ZFHX3: variants seen among roughly 807,000 people sequenced by gnomAD.
ZFHX3 encodes the protein zinc finger homeobox protein 3.
A neutral mutation model predicts 279.1 loss-of-function variants in ZFHX3; 42 were observed. The observed-to-expected ratio is 0.15, with a 90% CI of 0.12 to 0.19. ZFHX3 has a LOEUF of 0.19. Among genes scored for constraint, ZFHX3 ranks in the 10% least tolerant of loss-of-function variants. ZFHX3 has a pLI of 1.00. For missense variants in ZFHX3, 4,981 were observed against 4,754.0 expected (o/e 1.05, Z -1.40); for synonymous variants, 2,293 against 1,957.8 (o/e 1.17, Z -4.52).
intron 2 of ZFHX3, among the ~76,000 whole-genome samples, chr16:73,461,245 T>C (rs1368869863): frequency 2.6e-5 from 4 of 152,216 alleles, no homozygotes. Context: ...ATTTTCTAAT[T>C]GGATTGTTTA....
At chr16:73,027,001 T>A (rs1398177064) in intron 1 of ZFHX3, among the ~76,000 whole-genome samples, 1 of 152,214 alleles carries the variant, frequency 6.6e-6, no homozygotes, top group Non-Finnish European at 1.5e-5. Flanking sequence ...CTGCAACTAC[T>A]CACCTACACC....
rs1226055133 is a variant in ZFHX3, at chr16:72,787,727, C to CACT, written c.10548_10549insAGT (p.Gly3516_Gly3517insSer). On this transcript the variant is annotated inframe_insertion, in exon 10 of 10. Transcript: ENST00000268489. ...CCGCCGCCGCCGCCGCCACCGCCGC[C>CACT]GCCGCCGCCACTGCCACCGCCGCCG... is the stretch of plus-strand genomic sequence containing the variant. The CACT allele has an allele frequency of 1.1e-5, 15 of 1,398,702 alleles. No individual in the cohort carries two copies. The highest frequency in any genetic ancestry group is 6.0e-5 in the African/African-American group (4 of 67,028). The allele number at this position is 1,398,702 out of a possible 1,614,324, so 86.6% of individuals were successfully genotyped here.
At chr16:73,251,328 A>G (rs1318952720) in intron 5 of ZFHX3, among the ~76,000 whole-genome samples, 1 of 152,198 alleles carries the variant, frequency 6.6e-6, no homozygotes, top group East Asian at 1.9e-4. Flanking sequence ...ATGTTACACC[A>G]CAAGTGTGAT....
chr16:73,120,322 G>A (rs979671556), intron 7 of ZFHX3, among the ~76,000 whole-genome samples: 1 of 150,738 alleles, frequency 6.6e-6, no homozygotes, highest in Non-Finnish European at 1.5e-5. Context: ...GTGCACATAA[G>A]TGGTGCAATC....
intron 3 of ZFHX3, among the ~76,000 whole-genome samples, chr16:73,434,605 A>G (rs935721950): frequency 2.7e-3 from 79 of 28,752 alleles, no homozygotes; most frequent in Non-Finnish European, 5.3e-3. Flanking sequence ...TCATCTATGG[A>G]TGGTGTTTTT....
At chr16:73,198,163 T>G (rs1485756075) in intron 5 of ZFHX3, among the ~76,000 whole-genome samples, 4 of 151,980 alleles carry the variant, frequency 2.6e-5, no homozygotes, top group Admixed American at 2.0e-4. Context: ...GGTCTCCATC[T>G]TCTGACCTAG....
intron 1 of ZFHX3, among the ~76,000 whole-genome samples, chr16:73,034,476 G>T (rs1283291396): frequency 6.6e-6 from 1 of 152,168 alleles, no homozygotes; most frequent in Non-Finnish European, 1.5e-5. Context: ...GCCTGTGTGT[G>T]TGGTGCTAGA....
At chr16:73,298,772 T>G (rs1472698375) in intron 4 of ZFHX3, among the ~76,000 whole-genome samples, 2 of 152,142 alleles carry the variant, frequency 1.3e-5, no homozygotes, top group Non-Finnish European at 2.9e-5. Flanking sequence ...AAAGAGAAAC[T>G]AACATTCCAG....
At chr16:73,242,531 C>T (rs943605118) in intron 5 of ZFHX3, among the ~76,000 whole-genome samples, 4 of 152,182 alleles carry the variant, frequency 2.6e-5, no homozygotes, top group Non-Finnish European at 5.9e-5. Flanking sequence ...ATAATACTCA[C>T]AGCATATTAA....
At chr16:73,290,646 T>C (rs2014746157) in intron 4 of ZFHX3, among the ~76,000 whole-genome samples, 1 of 152,226 alleles carries the variant, frequency 6.6e-6, no homozygotes, top group Non-Finnish European at 1.5e-5. Context: ...ATGGGTTTCT[T>C]CTACTATGCT....
At chr16:73,528,457 G>A (rs2019733362) in intron 2 of ZFHX3, among the ~76,000 whole-genome samples, 1 of 152,298 alleles carries the variant, frequency 6.6e-6, no homozygotes, top group African/African-American at 2.4e-5. Flanking sequence ...ACCGTAAGAG[G>A]TAGAAAAATG....
chr16:72,799,870 G>A (rs1330113868), intron 8 of ZFHX3, among the ~76,000 whole-genome samples, 157 bp downstream of exon 8: 1 of 152,174 alleles, frequency 6.6e-6, no homozygotes, highest in African/African-American at 2.4e-5. Context: ...ATGCCAAGAA[G>A]CAGAGTATAA....
chr16:73,446,670 G>C (rs1390944772), intron 3 of ZFHX3, among the ~76,000 whole-genome samples: 1 of 152,100 alleles, frequency 6.6e-6, no homozygotes, highest in African/African-American at 2.4e-5. Context: ...ACTTATAAGT[G>C]GGAGCTAAAT....
At chr16:73,511,832 A>C (rs1196739634) in intron 2 of ZFHX3, among the ~76,000 whole-genome samples, 1 of 152,166 alleles carries the variant, frequency 6.6e-6, no homozygotes, top group Non-Finnish European at 1.5e-5. Context: ...CCTGAAATTC[A>C]ATAATTTGGG....
chr16:73,128,809 A>G (rs774492928), intron 7 of ZFHX3, among the ~76,000 whole-genome samples: 5 of 152,190 alleles, frequency 3.3e-5, no homozygotes, highest in Non-Finnish European at 7.3e-5. Context: ...CATTTGTGAT[A>G]CAAACAAGGG....
intron 4 of ZFHX3, among the ~76,000 whole-genome samples, chr16:73,272,057 C>A (rs183794430): frequency 2.9e-3 from 440 of 152,332 alleles, no homozygotes; most frequent in South Asian, 0.012. Context: ...TAAGTTCACA[C>A]AGCCTATGGG....
intron 1 of ZFHX3, among the ~76,000 whole-genome samples, chr16:73,001,582 G>A (rs1963499583): frequency 6.6e-6 from 1 of 152,134 alleles, no homozygotes; most frequent in Admixed American, 6.5e-5. Flanking sequence ...GGAGGCTGAA[G>A]TGAGAGGATC....
rs2036046910 is a variant in ZFHX3 at position 72,800,015 on chromosome 16, A to G, written c.3967+12T>C. On this transcript the variant is annotated intron_variant, in intron 8 of 9. Transcript: ENST00000268489. ...GTTTCAATTTCTTGGGGTCAAGAAT[A>G]ATGATACTGACCAGGCTGCTTTCCT... 6.2e-7 allele frequency: 1 copy of G among 1,612,746 alleles called. No homozygotes were observed. The highest frequency in any genetic ancestry group is 1.7e-5 in the Admixed American group (1 of 60,008).
At position 72,798,451 on chromosome 16, in the gene ZFHX3, T is replaced by C. The variant is rs2035989374; in HGVS notation, c.4231A>G (p.Lys1411Glu). 6.2e-7 allele frequency: 1 copy of C among 1,614,114 alleles called. No homozygotes were observed. Among genetic ancestry groups the C allele is most frequent in the African/African-American group, 1.3e-5 (1 of 74,946 alleles). Reference sequence around the variant, plus strand: ...TGGAGCTGCAACTTTTCAATGGTCTTGAAGGCCAGGCTACACTGATTACAG... The same window carrying C: ...TGGAGCTGCAACTTTTCAATGGTCTCGAAGGCCAGGCTACACTGATTACAG... ...YRCNQCSLAF[K>E]TIEKLQLHSQ... The change falls in exon 9 of 10, where the codon AAG becomes GAG. Residue 1411 changes from lysine to glutamate, a missense_variant. Physicochemically the swap from Lys to Glu is moderately conservative, Grantham distance 56 (BLOSUM62 1). Transcript: ENST00000268489.
Sources: allele counts gnomAD v4.1 joint callset (sites outside exome capture counted in the v4.1 genomes callset), GRCh38; gene constraint gnomAD v4.1.1; transcripts MANE v1.5; gene names NCBI Gene and HGNC (gene_info 2026-07-23, HGNC 2026-07-21).